NEBL: variants seen among roughly 807,000 people sequenced by gnomAD.
NEBL encodes the protein nebulette, also known as LIM and SH3 protein 2.
In NEBL, 122 loss-of-function variants were observed where a neutral mutation model predicts 140.2. The observed-to-expected ratio is 0.87, with a 90% CI of 0.75 to 1.01. NEBL has a LOEUF of 1.01. NEBL is among the 50% of genes least tolerant of loss of function. The pLI, the probability that NEBL is intolerant of heterozygous loss-of-function variation, is 0.00. For synonymous variants in NEBL, 436 were observed against 398.9 expected (o/e 1.09, Z -1.11); for missense variants, 1,365 against 1,231.3 (o/e 1.11, Z -1.62).
chr10:20,861,428 C>T (rs1388830820), intron 7 of NEBL, among the ~76,000 whole-genome samples: 1 of 152,216 alleles, frequency 6.6e-6, no homozygotes, highest in Non-Finnish European at 1.5e-5. Flanking sequence ...CCTGACCCAC[C>T]TTGGCCTCCC....
chr10:20,999,089 C>A (rs926070190), intron 3 of NEBL, among the ~76,000 whole-genome samples: 1 of 151,144 alleles, frequency 6.6e-6, no homozygotes, highest in Non-Finnish European at 1.5e-5. Context: ...TTTTTATCTG[C>A]GGCACCAAAA....
intron 4 of NEBL, among the ~76,000 whole-genome samples, chr10:20,954,473 A>T (rs1235774305): frequency 6.6e-6 from 1 of 152,172 alleles, no homozygotes; most frequent in Non-Finnish European, 1.5e-5. Context: ...GCAGCTAGGG[A>T]AAGATGGTGT....
chr10:21,234,008 GAGAT>G (rs35919028), intron 3 of NEBL, among the ~76,000 whole-genome samples: 8,244 of 139,514 alleles, frequency 0.059, 307 homozygotes, highest in Non-Finnish European at 0.073. Context: ...AGGAGATTGT[GAGAT>G]AGATAGATAG....
chr10:21,004,612 C>A (rs990852583), intron 3 of NEBL, among the ~76,000 whole-genome samples: 6 of 151,934 alleles, frequency 3.9e-5, no homozygotes, highest in African/African-American at 1.4e-4. Context: ...CCCAGCTACT[C>A]GGGAGGCTGA....
chr10:20,958,893 C>T (rs889378962), intron 4 of NEBL, among the ~76,000 whole-genome samples: 2 of 152,214 alleles, frequency 1.3e-5, no homozygotes, highest in African/African-American at 4.8e-5. Flanking sequence ...TTTTATCCCA[C>T]ACCTCAGTAA....
chr10:20,813,197 T>C (rs1365269526), intron 23 of NEBL, among the ~76,000 whole-genome samples: 1 of 150,794 alleles, frequency 6.6e-6, no homozygotes. Flanking sequence ...ATATATATAT[T>C]ATTAATGAGA....
chr10:20,956,389 G>C (rs886344339), intron 4 of NEBL, among the ~76,000 whole-genome samples: 1 of 151,804 alleles, frequency 6.6e-6, no homozygotes, highest in Admixed American at 6.6e-5. Context: ...TTTAAACTTT[G>C]TCTTTAAAGA....
intron 1 of NEBL, among the ~76,000 whole-genome samples, chr10:21,256,091 TGA>T (rs2132276527): frequency 6.6e-6 from 1 of 152,248 alleles, no homozygotes; most frequent in Admixed American, 6.5e-5. Flanking sequence ...TTTTGGGGAT[TGA>T]GTCTTGCTCT....
intron 18 of NEBL, among the ~76,000 whole-genome samples, chr10:20,823,565 A>T (rs1839557374): frequency 6.6e-6 from 1 of 152,140 alleles, no homozygotes; most frequent in South Asian, 2.1e-4. Context: ...ATAAAAATAA[A>T]TTTTATCATT....
intron 26 of NEBL, among the ~76,000 whole-genome samples, chr10:20,793,859 G>A (rs1184845886): frequency 6.6e-6 from 1 of 152,140 alleles, no homozygotes; most frequent in Non-Finnish European, 1.5e-5. Context: ...TCTGGCTGGT[G>A]TCTTGTTTTT....
At chr10:20,975,343 G>C (rs1836746061) in intron 3 of NEBL, among the ~76,000 whole-genome samples, 1 of 152,064 alleles carries the variant, frequency 6.6e-6, no homozygotes, top group Non-Finnish European at 1.5e-5. Flanking sequence ...ATGTCATTCT[G>C]CTTGGGCCCA....
At chr10:20,974,972 T>A (rs991028325) in intron 3 of NEBL, among the ~76,000 whole-genome samples, 1 of 152,208 alleles carries the variant, frequency 6.6e-6, no homozygotes, top group African/African-American at 2.4e-5. Flanking sequence ...TGTATTTCTA[T>A]GAAGTTTCAA....
chr10:21,112,374 A>T (rs1185442407), intron 2 of NEBL, among the ~76,000 whole-genome samples: 1 of 152,222 alleles, frequency 6.6e-6, no homozygotes, highest in Non-Finnish European at 1.5e-5. Flanking sequence ...GATTAAGAAA[A>T]TGTGGCACAT....
At chr10:21,086,511 C>T (rs1368211439) in intron 2 of NEBL, among the ~76,000 whole-genome samples, 1 of 152,192 alleles carries the variant, frequency 6.6e-6, no homozygotes, top group African/African-American at 2.4e-5. Context: ...GGCATGGTGG[C>T]TCACACCTGT....
intron 4 of NEBL, among the ~76,000 whole-genome samples, chr10:20,911,033 G>A (rs140468030): frequency 5.3e-5 from 8 of 152,016 alleles, no homozygotes; most frequent in African/African-American, 1.7e-4. Context: ...CTGTAGTGTT[G>A]TGAGCTTGTA....
At chr10:20,876,572 T>C (rs1025448477) in intron 5 of NEBL, among the ~76,000 whole-genome samples, 1 of 152,176 alleles carries the variant, frequency 6.6e-6, no homozygotes, top group Non-Finnish European at 1.5e-5. Flanking sequence ...AAAGTACATA[T>C]ATCATTCTTG....
In NEBL at chr10:20,780,406, A is replaced by AG. The variant is rs756290903; in HGVS notation, c.*5340dup. On this transcript the variant is annotated 3_prime_UTR_variant, in exon 28 of 28. Transcript: ENST00000377122. The stretch of plus-strand genomic sequence containing the variant: ...TTGATATAAAATCAGAAAGATACTG[A>AG]GCTTGGAGAAGCATAATATTGTTAT... The AG allele has an allele frequency of 3.9e-5, 6 of 152,234 alleles. No individual in the cohort carries two copies. The highest frequency in any genetic ancestry group is 5.9e-5 in the Non-Finnish European group (4 of 68,044). 9.4% of individuals were successfully genotyped at this position (152,234 alleles called of 1,614,324 possible). A position where few individuals can be genotyped will look rare whatever the true frequency, so the allele number is the denominator to read the frequency against.
intron 26 of NEBL, among the ~76,000 whole-genome samples, chr10:20,796,092 G>A (rs1330801663): frequency 3.3e-5 from 5 of 152,020 alleles, no homozygotes; most frequent in Non-Finnish European, 7.4e-5. Context: ...GGCTGGGCAC[G>A]GTGGCTCATG....
At chr10:21,058,519 A>C (rs1362698137) in intron 2 of NEBL, among the ~76,000 whole-genome samples, 1 of 152,204 alleles carries the variant, frequency 6.6e-6, no homozygotes, top group Non-Finnish European at 1.5e-5. Flanking sequence ...AAAACCTTCT[A>C]CTTTGGAAAC....
Sources: gnomAD v4.1 joint callset for allele counts (sites outside exome capture counted in the v4.1 genomes callset) on GRCh38, gnomAD v4.1.1 for gene constraint, MANE v1.5 for transcripts, NCBI Gene and HGNC (gene_info 2026-07-23, HGNC 2026-07-21) for gene names.